SSBP1: variants seen among roughly 807,000 people sequenced by gnomAD.
The protein encoded by SSBP1 is single stranded DNA binding protein 1.
SSBP1 carries 20 observed loss-of-function variants against 27.0 expected under a neutral mutation model. That is an observed-to-expected ratio of 0.74 (90% confidence interval 0.52 to 1.08). The LOEUF (loss-of-function observed/expected upper bound fraction) is 1.08, where lower values mean the gene tolerates loss of function less well. Among genes scored for constraint, SSBP1 ranks in the 50% least tolerant of loss-of-function variants. The pLI is 0.00. For missense variants in SSBP1, 137 were observed against 182.4 expected (o/e 0.75, Z 1.44); for synonymous variants, 59 against 59.3 (o/e 1.00, Z 0.02).
chr7:141,738,844 T>G (rs1799390021), intron 1 of SSBP1: 1 of 290,860 alleles, frequency 3.4e-6, no homozygotes, highest in South Asian at 7.5e-5. Flanking sequence ...TAATGAAATT[T>G]GAGAAGACAG....
rs907736419 is a variant in SSBP1 at position 141,739,210 on chromosome 7, A to G, written c.24+20A>G. ...TTACAGGTAGTCACTTGTCTGTATT[A>G]ATACTGAGATGTATTACTATCAGCC... On this transcript the variant is annotated intron_variant, in intron 2 of 6. Coordinates refer to ENST00000265304, the MANE Select transcript of SSBP1 (RefSeq NM_003143.3). 5.1e-6 allele frequency: 8 copies of G among 1,576,706 alleles called. No homozygotes were observed. The Admixed American group carries it at 5.6e-5, about 11-fold the overall frequency.
rs766675419 is a variant in SSBP1, at chr7:141,750,291, A to C, written c.404-20A>C. ...AGAAAGAGTTCTGAAATTAATATTT[A>C]CATTTTGGCTTTTTTACAGATAATA... On this transcript the variant is annotated intron_variant, in intron 6 of 6. Transcript: ENST00000265304. 1.3e-5 allele frequency: 20 copies of C among 1,550,470 alleles called. No homozygotes were observed. The Admixed American group carries it at 3.4e-4, about 26-fold the overall frequency.
Position 141,750,102 on chromosome 7 carries a change from C to T in SSBP1, c.404-209C>T, listed in dbSNP as rs372005671. 3.9e-4 allele frequency among the ~76,000 whole-genome samples: 60 copies of T among 152,280 alleles called. No individual in the cohort carries two copies. In the South Asian group the frequency reaches 0.011, roughly 28 times the overall value. Reference sequence around the variant, plus strand: ...CTCTTCTAACAAGATCTGAATTGTTCGAAAAGCAGCCAGTGCCTAACTTGT... The same window carrying T: ...CTCTTCTAACAAGATCTGAATTGTTTGAAAAGCAGCCAGTGCCTAACTTGT... On this transcript the variant is annotated intron_variant, in intron 6 of 6. Coordinates refer to ENST00000265304, the MANE Select transcript of SSBP1 (RefSeq NM_003143.3).
At chr7:141,739,436 G>C (rs1208217957) in intron 2 of SSBP1, 1 of 367,802 alleles carries the variant, frequency 2.7e-6, no homozygotes, top group East Asian at 3.9e-5. Context: ...TGTGTGTGTT[G>C]CTTGAATTTA....
At chr7:141,750,086 C>G (rs1799909535) in intron 6 of SSBP1, among the ~76,000 whole-genome samples, 1 of 152,212 alleles carries the variant, frequency 6.6e-6, no homozygotes, top group South Asian at 2.1e-4. Context: ...CCTCTTCTAA[C>G]AAGATCTGAA....
chr7:141,745,329 A>G (rs375291456), intron 5 of SSBP1, among the ~76,000 whole-genome samples, 167 bp from the exon 6 acceptor site: 47 of 152,188 alleles, frequency 3.1e-4, no homozygotes, highest in African/African-American at 1.0e-3. Flanking sequence ...CTGTTTGGAC[A>G]CTCTGTTTCA....
intron 6 of SSBP1, chr7:141,746,499 C>T (rs1799796581): frequency 6.6e-6 from 1 of 152,212 alleles, no homozygotes; most frequent in African/African-American, 2.4e-5. Flanking sequence ...TGTACACCAT[C>T]ATGCCTGGCT....
intron 2 of SSBP1, chr7:141,741,721 TACTTTTTGTC>T: frequency 1.0e-6 from 1 of 977,596 alleles, no homozygotes; most frequent in Non-Finnish European, 1.2e-6. Flanking sequence ...ATATATGTAG[TACTTTTTGTC>T]TCTTTTTGTC....
intron 4 of SSBP1, 92 bp from the exon 5 acceptor site, chr7:141,743,810 T>C: frequency 6.5e-7 from 1 of 1,541,570 alleles, no homozygotes; most frequent in South Asian, 1.2e-5. Flanking sequence ...CTGTCTTTCA[T>C]TCTGTTTGTT....
rs1315114948 is a variant in SSBP1, at chr7:141,747,398, T to G, written c.403+1814T>G. ...CCCAAATTAGATTTTTTTTTTTTTT[T>G]TTTTTTTTTGAGACAGCGTCTCACT... On this transcript the variant is annotated intron_variant, in intron 6 of 6. Transcript: ENST00000265304. 2.0e-5 allele frequency among the ~76,000 whole-genome samples: 3 copies of G among 147,680 alleles called. No individual in the cohort carries two copies. In the East Asian group the frequency reaches 6.0e-4, roughly 29 times the overall value.
intron 6 of SSBP1, among the ~76,000 whole-genome samples, chr7:141,746,908 C>A (rs940220888): frequency 5.9e-5 from 9 of 152,044 alleles, no homozygotes; most frequent in African/African-American, 1.9e-4. Context: ...TAAAAAAATA[C>A]CAGTTCAGCA....
chr7:141,743,852 G>A, intron 4 of SSBP1, 50 bp from the exon 5 acceptor site: 1 of 1,576,364 alleles, frequency 6.3e-7, no homozygotes, highest in Non-Finnish European at 8.6e-7. Flanking sequence ...GTTTTCCTGG[G>A]CATGTTGTCT....
chr7:141,745,436 C>A, intron 5 of SSBP1, 60 bp from the exon 6 acceptor site: 1 of 1,430,946 alleles, frequency 7.0e-7, no homozygotes, highest in South Asian at 1.3e-5. Context: ...CCACCCTGAC[C>A]TGACTCTTAT....
chr7:141,749,613 C>A (rs111258607), intron 6 of SSBP1, among the ~76,000 whole-genome samples: 4,438 of 152,196 alleles, frequency 0.029, 166 homozygotes, highest in South Asian at 0.15. Context: ...GAAACCCTGT[C>A]TCTATTAAAA....
At chr7:141,745,846 G>A (rs368168222) in intron 6 of SSBP1, 1 of 1,167,564 alleles carries the variant, frequency 8.6e-7, no homozygotes. Flanking sequence ...ATCCATCCCA[G>A]TACTTATTGT....
At chr7:141,750,185 A>AT (rs2117199523) in intron 6 of SSBP1, 126 bp from the exon 7 acceptor site, 1 of 720,840 alleles carries the variant, frequency 1.4e-6, no homozygotes, top group African/African-American at 1.8e-5. Context: ...GTGATTTAAT[A>AT]TTTTGAAAAG....
At chr7:141,747,109 C>T (rs1563029952) in intron 6 of SSBP1, among the ~76,000 whole-genome samples, 1 of 150,922 alleles carries the variant, frequency 6.6e-6, no homozygotes, top group Non-Finnish European at 1.5e-5. Flanking sequence ...TCTCAATTGA[C>T]TTATCATTAA....
At chr7:141,739,664 A>G (rs994111956) in intron 2 of SSBP1, 3 of 152,442 alleles carry the variant, frequency 2.0e-5, no homozygotes, top group Non-Finnish European at 4.4e-5. Context: ...CATTCCACTT[A>G]GTATGGGTCC....
At position 141,750,319 on chromosome 7, in the gene SSBP1, A is replaced by T; in HGVS notation, c.412A>T (p.Ile138Leu). The T allele has an allele frequency of 1.9e-6, 3 of 1,598,436 alleles. No individual in the cohort carries two copies. Among genetic ancestry groups the T allele is most frequent in the Non-Finnish European group, 2.6e-6 (3 of 1,174,690 alleles). The change falls in exon 7 of 7, where the codon ATA (isoleucine) becomes TTA (leucine). Residue 138 changes from isoleucine (I) to leucine (L), a missense_variant. Transcript: ENST00000265304. ...TTTTGGCTTTTTTACAGATAATATT[A>T]TATTTCTGAGTGACCAGACGAAAGA... ...QATTIIADNI[I>L]FLSDQTKEKE
Sources: allele counts gnomAD v4.1 joint callset (sites outside exome capture counted in the v4.1 genomes callset), GRCh38; gene constraint gnomAD v4.1.1; transcripts MANE v1.5; gene names NCBI Gene and HGNC (gene_info 2026-07-23, HGNC 2026-07-21).